CNTN5: variants seen among roughly 807,000 people sequenced by gnomAD.
CNTN5 encodes contactin 5, also known as contactin-5.
In CNTN5, 77 loss-of-function variants were observed where a neutral mutation model predicts 129.1. The observed-to-expected ratio is 0.60, with a 90% CI of 0.50 to 0.72. The LOEUF is 0.72. Among genes scored for constraint, CNTN5 ranks in the 30% least tolerant of loss-of-function variants. The probability of loss-of-function intolerance (pLI) is 0.00; values close to 1 mark genes in which losing one functional copy is unlikely to be tolerated. For synonymous variants in CNTN5, 509 were observed against 465.6 expected (o/e 1.09, Z -1.20); for missense variants, 1,478 against 1,328.8 (o/e 1.11, Z -1.75).
At chr11:99,137,879 C>T (rs1591259740) in intron 1 of CNTN5, among the ~76,000 whole-genome samples, 1 of 152,230 alleles carries the variant, frequency 6.6e-6, no homozygotes, top group East Asian at 1.9e-4. Context: ...TTAACATTAA[C>T]ATTCTCACTA....
chr11:99,401,511 G>A (rs1441917600), intron 2 of CNTN5, among the ~76,000 whole-genome samples: 1 of 152,088 alleles, frequency 6.6e-6, no homozygotes, highest in East Asian at 1.9e-4. Flanking sequence ...TTGAAGTCAG[G>A]TAATGTGCTT....
At chr11:100,317,776 T>C (rs1951597873) in intron 21 of CNTN5, among the ~76,000 whole-genome samples, 1 of 152,220 alleles carries the variant, frequency 6.6e-6, no homozygotes, top group African/African-American at 2.4e-5. Context: ...CATTTGATTC[T>C]AGATGCATGG....
intron 3 of CNTN5, among the ~76,000 whole-genome samples, chr11:99,776,471 AAAAG>A (rs963666963): frequency 6.6e-5 from 10 of 151,820 alleles, no homozygotes; most frequent in African/African-American, 2.4e-4. Context: ...CATTTTTGGG[AAAAG>A]AAAGTGGCTA....
chr11:99,295,756 G>A (rs1409003080), intron 1 of CNTN5, among the ~76,000 whole-genome samples: 1 of 151,556 alleles, frequency 6.6e-6, no homozygotes, highest in African/African-American at 2.4e-5. Flanking sequence ...GGCGCCTGTA[G>A]TCCCAGCTAC....
At chr11:99,341,114 G>T (rs1030814400) in intron 2 of CNTN5, among the ~76,000 whole-genome samples, 1 of 152,136 alleles carries the variant, frequency 6.6e-6, no homozygotes, top group African/African-American at 2.4e-5. Flanking sequence ...CCTAACAAGA[G>T]ATGAAACAAG....
intron 9 of CNTN5, among the ~76,000 whole-genome samples, chr11:100,006,092 G>A (rs539249153): frequency 1.8e-4 from 28 of 152,196 alleles, no homozygotes; most frequent in African/African-American, 6.7e-4. Flanking sequence ...ACATTATATT[G>A]TATGTTATTA....
chr11:99,932,055 A>G lies in CNTN5; in HGVS notation c.673+15906A>G, dbSNP rs140936424. On this transcript the variant is annotated intron_variant, in intron 7 of 24. Transcript: ENST00000524871. The stretch of plus-strand genomic sequence containing the variant: ...CTCCTGTATAGTTTGCCATTTGACT[A>G]TGAAGCACCTAAGCTTCTGTTTATC... Among the ~76,000 whole-genome samples, 1,173 of 152,300 alleles carry G rather than the reference A, an allele frequency of 7.7e-3. 28 individuals carry two copies. Among genetic ancestry groups the G allele is most frequent in the African/African-American group, 0.026 (1,091 of 41,560 alleles).
chr11:99,166,417 A>T (rs1187729027), intron 1 of CNTN5, among the ~76,000 whole-genome samples: 1 of 149,004 alleles, frequency 6.7e-6, no homozygotes, highest in Non-Finnish European at 1.5e-5. Flanking sequence ...AAAAAAAAAA[A>T]GAGTAGTTAT....
chr11:99,595,637 C>A (rs1425088827), intron 3 of CNTN5, among the ~76,000 whole-genome samples: 1 of 151,980 alleles, frequency 6.6e-6, no homozygotes, highest in African/African-American at 2.4e-5. Flanking sequence ...GTATGAATTA[C>A]CAGTGTTTTT....
intron 2 of CNTN5, among the ~76,000 whole-genome samples, chr11:99,555,853 G>A (rs1194612084): frequency 2.0e-5 from 3 of 151,818 alleles, no homozygotes; most frequent in African/African-American, 7.2e-5. Flanking sequence ...CACATTCCCT[G>A]TGAGGAAAAA....
chr11:99,701,584 T>G (rs140460949), intron 3 of CNTN5, among the ~76,000 whole-genome samples: 4 of 151,204 alleles, frequency 2.6e-5, no homozygotes, highest in Non-Finnish European at 5.9e-5. Context: ...ATGATCAAAT[T>G]GTATATGTGT....
At chr11:100,175,264 G>A (rs77095831) in intron 13 of CNTN5, among the ~76,000 whole-genome samples, 4,689 of 152,080 alleles carry the variant, frequency 0.031, 241 homozygotes, top group African/African-American at 0.11. Context: ...TGTCAGCCCG[G>A]TGTGCTTCAT....
intron 2 of CNTN5, among the ~76,000 whole-genome samples, chr11:99,534,861 T>C (rs1211407248): frequency 6.6e-6 from 1 of 152,068 alleles, no homozygotes; most frequent in African/African-American, 2.4e-5. Context: ...TCAACTACAA[T>C]ATAAGGATGA....
At chr11:99,997,291 G>A (rs1186999682) in intron 8 of CNTN5, among the ~76,000 whole-genome samples, 1 of 152,088 alleles carries the variant, frequency 6.6e-6, no homozygotes, top group Non-Finnish European at 1.5e-5. Context: ...TTTTGAATGT[G>A]TTTGCTCTTG....
Position 100,347,901 on chromosome 11 carries a change from A to T in CNTN5, c.3031-2801A>T, listed in dbSNP as rs11223727. 0.021 allele frequency among the ~76,000 whole-genome samples: 3,142 copies of T among 152,064 alleles called. 181 individuals are homozygous for T. The East Asian group carries it at 0.23, about 11-fold the overall frequency. Reference sequence around the variant, plus strand: ...GTTTGGGTATAACCAGCAAAAATTTATTCTGTCATATTTTTAGCACACTCT... The same window carrying T: ...GTTTGGGTATAACCAGCAAAAATTTTTTCTGTCATATTTTTAGCACACTCT... On this transcript the variant is annotated intron_variant, in intron 23 of 24. Transcript: ENST00000524871.
At chr11:99,918,804 C>G (rs964441274) in intron 7 of CNTN5, among the ~76,000 whole-genome samples, 2 of 152,146 alleles carry the variant, frequency 1.3e-5, no homozygotes, top group Non-Finnish European at 2.9e-5. Context: ...CTTCCTTATC[C>G]TTTGTTCCTC....
chr11:99,744,742 T>G (rs902552553), intron 3 of CNTN5, among the ~76,000 whole-genome samples: 19 of 146,602 alleles, frequency 1.3e-4, no homozygotes, highest in Admixed American at 1.1e-3. Context: ...AAAAAAAAGT[T>G]GGAGGTGCTT....
chr11:99,828,852 A>G (rs1947050276), intron 4 of CNTN5, among the ~76,000 whole-genome samples: 1 of 152,210 alleles, frequency 6.6e-6, no homozygotes, highest in Non-Finnish European at 1.5e-5. Flanking sequence ...GTCTTAAACA[A>G]TGACAAATCC....
chr11:99,268,727 C>CA (rs1346386945), intron 1 of CNTN5, among the ~76,000 whole-genome samples: 1 of 151,934 alleles, frequency 6.6e-6, no homozygotes, highest in Non-Finnish European at 1.5e-5. Context: ...TTTGTCCTTA[C>CA]AAAAAATATG....
Sources: gnomAD v4.1 joint callset for allele counts (sites outside exome capture counted in the v4.1 genomes callset) on GRCh38, gnomAD v4.1.1 for gene constraint, MANE v1.5 for transcripts, NCBI Gene and HGNC (gene_info 2026-07-23, HGNC 2026-07-21) for gene names.